Variants in MAGI3 observed in about 807,000 individuals in gnomAD.
MAGI3 encodes the protein membrane-associated guanylate kinase, WW and PDZ domain-containing protein 3.
A neutral mutation model predicts 121.8 loss-of-function variants in MAGI3; 43 were observed. That is an observed-to-expected ratio of 0.35 (90% CI 0.28 to 0.46). MAGI3 has a LOEUF of 0.46. Among genes scored for constraint, MAGI3 ranks in the 20% least tolerant of loss-of-function variants. The pLI is 1.00. For missense variants in MAGI3, 1,547 were observed against 1,797.3 expected (o/e 0.86, Z 2.52); for synonymous variants, 553 against 639.3 (o/e 0.86, Z 2.04).
At chr1:113,554,043 T>C (rs1005327674) in intron 2 of MAGI3, among the ~76,000 whole-genome samples, 1 of 151,966 alleles carries the variant, frequency 6.6e-6, no homozygotes, top group Non-Finnish European at 1.5e-5. Flanking sequence ...GACAACAAAA[T>C]GGAAACATTG....
intron 1 of MAGI3, among the ~76,000 whole-genome samples, chr1:113,439,880 G>A (rs1570678433): frequency 1.3e-5 from 2 of 150,604 alleles, no homozygotes; most frequent in South Asian, 2.1e-4. Flanking sequence ...CTAGAGCCAG[G>A]ACTCGAACCA....
At chr1:113,618,613 C>T (rs758175690) in intron 7 of MAGI3, 21 of 401,810 alleles carry the variant, frequency 5.2e-5, no homozygotes, top group Non-Finnish European at 7.7e-5. Flanking sequence ...TCAAGTGAGT[C>T]TCCTACCTCA....
chr1:113,435,696 G>T (rs1222198913), intron 1 of MAGI3, among the ~76,000 whole-genome samples: 4 of 152,034 alleles, frequency 2.6e-5, no homozygotes, highest in Admixed American at 1.3e-4. Context: ...GCTGATATGT[G>T]GAGGGATGTC....
At chr1:113,544,306 T>C (rs149700301) in intron 1 of MAGI3, among the ~76,000 whole-genome samples, 1 of 152,302 alleles carries the variant, frequency 6.6e-6, no homozygotes, top group East Asian at 1.9e-4. Flanking sequence ...AGGACTAGTT[T>C]GTAATATTGG....
chr1:113,469,020 A>G (rs1395970596), intron 1 of MAGI3, among the ~76,000 whole-genome samples: 1 of 152,192 alleles, frequency 6.6e-6, no homozygotes, highest in Non-Finnish European at 1.5e-5. Context: ...GCTTTGAATT[A>G]AAGCATATAT....
At chr1:113,531,508 C>T (rs1658719467) in intron 1 of MAGI3, among the ~76,000 whole-genome samples, 1 of 152,060 alleles carries the variant, frequency 6.6e-6, no homozygotes, top group Non-Finnish European at 1.5e-5. Flanking sequence ...CCCAACCTCA[C>T]CAACAGAGTG....
chr1:113,442,250 G>A (rs1356371347), intron 1 of MAGI3, among the ~76,000 whole-genome samples: 1 of 152,114 alleles, frequency 6.6e-6, no homozygotes, highest in Non-Finnish European at 1.5e-5. Context: ...TGAAGAAAAG[G>A]CAGAAGATAT....
At chr1:113,406,465 GA>G (rs915815883) in intron 1 of MAGI3, among the ~76,000 whole-genome samples, 3 of 138,282 alleles carry the variant, frequency 2.2e-5, no homozygotes, top group African/African-American at 5.3e-5. Context: ...AAAAAAAAAG[GA>G]AAAAAAAACT....
intron 2 of MAGI3, among the ~76,000 whole-genome samples, chr1:113,558,626 A>G (rs1164274962): frequency 6.6e-6 from 1 of 152,170 alleles, no homozygotes; most frequent in Non-Finnish European, 1.5e-5. Context: ...ACCAAGTTGG[A>G]AAACATACTT....
intron 9 of MAGI3, 46 bp from the exon 10 acceptor site, chr1:113,641,865 C>G: frequency 1.3e-6 from 2 of 1,497,936 alleles, no homozygotes; most frequent in Non-Finnish European, 1.8e-6. Context: ...AAAAAATTAA[C>G]TTATTTGTTG....
At chr1:113,549,120 T>A (rs184688947) in intron 1 of MAGI3, among the ~76,000 whole-genome samples, 2 of 152,226 alleles carry the variant, frequency 1.3e-5, no homozygotes, top group Admixed American at 6.5e-5. Context: ...ATATCTGCAA[T>A]ATATATGCAT....
At chr1:113,575,017 G>A (rs1647534064) in intron 2 of MAGI3, among the ~76,000 whole-genome samples, 1 of 152,212 alleles carries the variant, frequency 6.6e-6, no homozygotes, top group East Asian at 1.9e-4. Flanking sequence ...AAGTTCTCGT[G>A]CTGTGTTTTT....
chr1:113,639,948 G>A (rs186618516), intron 9 of MAGI3, among the ~76,000 whole-genome samples: 1 of 152,190 alleles, frequency 6.6e-6, no homozygotes, highest in Non-Finnish European at 1.5e-5. Flanking sequence ...CAGGTGTACT[G>A]GGATTACAGG....
intron 1 of MAGI3, among the ~76,000 whole-genome samples, chr1:113,470,242 A>T (rs573694014): frequency 6.6e-6 from 1 of 151,864 alleles, no homozygotes; most frequent in Admixed American, 6.6e-5. Context: ...GCTCTGTTTC[A>T]CACTGCCATC....
intron 1 of MAGI3, among the ~76,000 whole-genome samples, chr1:113,417,129 A>G (rs936008647): frequency 2.6e-5 from 4 of 152,056 alleles, no homozygotes; most frequent in African/African-American, 7.2e-5. Context: ...TATAATTTAC[A>G]TACAATAAAA....
Position 113,590,653 on chromosome 1 carries a change from C to T in MAGI3, c.933C>T (p.Phe311=). 1 of 1,612,776 alleles carries T rather than the reference C, an allele frequency of 6.2e-7. No individual in the cohort carries two copies. Among genetic ancestry groups the T allele is most frequent in the African/African-American group, 1.3e-5 (1 of 74,938 alleles). The change falls in exon 5 of 21, where the codon TTC becomes TTT. Residue 311 remains phenylalanine, a synonymous_variant. Transcript: ENST00000307546. The stretch of plus-strand genomic sequence containing the variant: ...ACACTGACACAGGGATGATCTACTT[C>T]ATTGAGTAAGCAAATGTCTCTATCT... ...MAYTDTGMIY[F]IDHNTKTTTW...
chr1:113,586,657 C>T (rs1648383853), intron 4 of MAGI3, among the ~76,000 whole-genome samples: 1 of 152,100 alleles, frequency 6.6e-6, no homozygotes, highest in Non-Finnish European at 1.5e-5. Context: ...CACCGTTGAG[C>T]CTTTTAATGT....
At chr1:113,442,257 A>T (rs540729113) in intron 1 of MAGI3, among the ~76,000 whole-genome samples, 32 of 152,190 alleles carry the variant, frequency 2.1e-4, no homozygotes, top group Non-Finnish European at 3.4e-4. Context: ...AAGGCAGAAG[A>T]TATGTTGAGA....
chr1:113,492,429 G>A (rs1656714834), intron 1 of MAGI3, among the ~76,000 whole-genome samples: 2 of 152,154 alleles, frequency 1.3e-5, no homozygotes, highest in African/African-American at 4.8e-5. Context: ...ATGGGCAAAA[G>A]CTGGAAGCAT....
Sources: allele counts gnomAD v4.1 joint callset (sites outside exome capture counted in the v4.1 genomes callset), GRCh38; gene constraint gnomAD v4.1.1; transcripts MANE v1.5; gene names NCBI Gene and HGNC (gene_info 2026-07-23, HGNC 2026-07-21).